The following EDIL3 variants were observed in gnomAD, a reference collection of about 807,000 sequenced individuals.
The protein encoded by EDIL3 is EGF like and discoidin domains 3, also known as EGF-like repeat and discoidin I-like domain-containing protein 3.
A neutral mutation model predicts 67.4 loss-of-function variants in EDIL3; 37 were observed. That is an observed-to-expected ratio of 0.55 (90% CI 0.42 to 0.72). The LOEUF (loss-of-function observed/expected upper bound fraction) is 0.72, where lower values mean the gene tolerates loss of function less well. EDIL3 is among the 30% of genes least tolerant of loss of function. The pLI, the probability that EDIL3 is intolerant of heterozygous loss-of-function variation, is 0.00. For synonymous variants in EDIL3, 195 were observed against 196.3 expected (o/e 0.99, Z 0.05); for missense variants, 527 against 586.3 (o/e 0.90, Z 1.04).
chr5:84,280,947 C>CAAAAAAAAAAAAAAAAAAAAAAAGAAAA (rs1745688041), intron 1 of EDIL3, among the ~76,000 whole-genome samples: 1 of 70,198 alleles, frequency 1.4e-5, no homozygotes, highest in African/African-American at 6.2e-5. Flanking sequence ...AAGACTCTGT[C>CAAAAAAAAAAAAAAAAAAAAAAAGAAAA]AAAAAAAAAA....
Position 84,106,634 on chromosome 5 carries a change from C to T in EDIL3, c.651+15G>A, listed in dbSNP as rs761809097. 3 of 1,588,586 alleles carry T rather than the reference C, an allele frequency of 1.9e-6. No individual in the cohort carries two copies. The highest frequency in any genetic ancestry group is 1.4e-5 in the African/African-American group (1 of 73,542). ...ATGACTTATAACATTAACCTTGTCC[C>T]ATCCCATCTGTTACCTGAATCCACG... On this transcript the variant is annotated intron_variant, in intron 6 of 10. Coordinates refer to ENST00000296591, the MANE Select transcript of EDIL3 (RefSeq NM_005711.5).
chr5:84,243,543 T>A (rs2112062251), intron 2 of EDIL3, among the ~76,000 whole-genome samples: 1 of 152,350 alleles, frequency 6.6e-6, no homozygotes, highest in Non-Finnish European at 1.5e-5. Flanking sequence ...GTGATTTGGA[T>A]GAAGCACTTC....
At chr5:84,312,230 TGGG>T (rs1391874742) in intron 1 of EDIL3, among the ~76,000 whole-genome samples, 2 of 100,784 alleles carry the variant, frequency 2.0e-5, no homozygotes, top group African/African-American at 8.6e-5. Flanking sequence ...GCTGGCCGGG[TGGG>T]GGGCTGACCC....
intron 4 of EDIL3, among the ~76,000 whole-genome samples, chr5:84,169,634 A>C (rs1439352447): frequency 6.7e-6 from 1 of 149,480 alleles, no homozygotes; most frequent in Non-Finnish European, 1.5e-5. Flanking sequence ...TGGGTCATCT[A>C]GTATGTATTC....
intron 3 of EDIL3, among the ~76,000 whole-genome samples, chr5:84,221,563 T>A (rs893172660): frequency 1.5e-5 from 2 of 136,416 alleles, no homozygotes; most frequent in African/African-American, 5.7e-5. Flanking sequence ...GTTTAATTTT[T>A]AAAAAAAGGA....
chr5:84,054,250 T>A (rs1232012660), intron 9 of EDIL3, among the ~76,000 whole-genome samples: 3 of 152,176 alleles, frequency 2.0e-5, no homozygotes, highest in Non-Finnish European at 2.9e-5. Flanking sequence ...CTTTGACAAA[T>A]TTCAACAACT....
chr5:84,154,595 T>C (rs954134060), intron 4 of EDIL3, among the ~76,000 whole-genome samples: 4 of 151,770 alleles, frequency 2.6e-5, no homozygotes, highest in Non-Finnish European at 4.4e-5. Context: ...TTTTTGCTTG[T>C]TAGGAGAAGT....
At chr5:84,205,639 G>C (rs1389371895) in intron 3 of EDIL3, among the ~76,000 whole-genome samples, 1 of 151,842 alleles carries the variant, frequency 6.6e-6, no homozygotes, top group Non-Finnish European at 1.5e-5. Flanking sequence ...GTTTAGTCTT[G>C]GGAGAGTGTA....
intron 3 of EDIL3, among the ~76,000 whole-genome samples, chr5:84,223,123 A>T (rs1744379628): frequency 6.6e-6 from 1 of 151,704 alleles, no homozygotes; most frequent in African/African-American, 2.4e-5. Flanking sequence ...TTAAGTTTTC[A>T]ATCTATTTTG....
intron 2 of EDIL3, among the ~76,000 whole-genome samples, chr5:84,250,249 TTAA>T (rs1403905959): frequency 6.6e-6 from 1 of 152,216 alleles, no homozygotes; most frequent in Non-Finnish European, 1.5e-5. Flanking sequence ...GAAGTGAATC[TTAA>T]TAACTCTAAG....
chr5:84,221,122 A>T (rs1347669251), intron 3 of EDIL3, among the ~76,000 whole-genome samples: 1 of 152,280 alleles, frequency 6.6e-6, no homozygotes, highest in African/African-American at 2.4e-5. Context: ...ACAATACATA[A>T]TAACTATTTT....
intron 6 of EDIL3, among the ~76,000 whole-genome samples, chr5:84,099,714 G>A (rs1484386996): frequency 6.6e-6 from 1 of 152,054 alleles, no homozygotes; most frequent in African/African-American, 2.4e-5. Context: ...GACAACAAAA[G>A]CCAAAATTGA....
At chr5:84,010,197 C>T (rs1447534736) in intron 9 of EDIL3, among the ~76,000 whole-genome samples, 6 of 152,146 alleles carry the variant, frequency 3.9e-5, no homozygotes, top group Non-Finnish European at 7.4e-5. Context: ...TGACATCTCT[C>T]GTTTCTTCAT....
chr5:84,268,233 C>G (rs536173818), intron 1 of EDIL3, among the ~76,000 whole-genome samples: 1 of 152,188 alleles, frequency 6.6e-6, no homozygotes, highest in East Asian at 1.9e-4. Flanking sequence ...GGCAGGTGTA[C>G]ATAAAATAGA....
chr5:84,111,038 C>T (rs1037586375), intron 5 of EDIL3, among the ~76,000 whole-genome samples: 7 of 152,110 alleles, frequency 4.6e-5, no homozygotes, highest in African/African-American at 1.7e-4. Flanking sequence ...TTGCTATTCT[C>T]ATAATGGTGA....
At chr5:84,131,897 A>G (rs542740329) in intron 5 of EDIL3, among the ~76,000 whole-genome samples, 1 of 152,234 alleles carries the variant, frequency 6.6e-6, no homozygotes, top group African/African-American at 2.4e-5. Flanking sequence ...ACAAGTATGT[A>G]CTTAAACAAA....
At chr5:84,073,044 G>C (rs980861475) in intron 6 of EDIL3, among the ~76,000 whole-genome samples, 6 of 152,106 alleles carry the variant, frequency 3.9e-5, no homozygotes, top group African/African-American at 1.4e-4. Flanking sequence ...ATTTGACAGG[G>C]GCTGCTTCTT....
chr5:83,967,968 T>C (rs1186866660), intron 9 of EDIL3, among the ~76,000 whole-genome samples: 1 of 152,138 alleles, frequency 6.6e-6, no homozygotes, highest in Non-Finnish European at 1.5e-5. Context: ...AATTAACTCA[T>C]TAAACGGAAA....
intron 1 of EDIL3, among the ~76,000 whole-genome samples, chr5:84,318,913 C>G (rs1220201176): frequency 1.3e-5 from 2 of 152,042 alleles, no homozygotes; most frequent in African/African-American, 4.8e-5. Flanking sequence ...ATCCATCTGA[C>G]AAAGGCTAAT....
Sources: allele counts gnomAD v4.1 joint callset (sites outside exome capture counted in the v4.1 genomes callset), GRCh38; gene constraint gnomAD v4.1.1; transcripts MANE v1.5; gene names NCBI Gene and HGNC (gene_info 2026-07-23, HGNC 2026-07-21).